Variants in DSE observed in about 807,000 individuals in gnomAD.
The protein encoded by DSE is dermatan-sulfate epimerase.
Under a neutral mutation model 84.4 loss-of-function variants are expected in DSE, and 36 were observed. The observed-to-expected ratio is 0.43, with a 90% CI of 0.33 to 0.56. The LOEUF is 0.56. Ranked by LOEUF, DSE falls within the 20% of genes least tolerant of loss-of-function variation. The pLI is 0.06. For synonymous variants in DSE, 410 were observed against 430.1 expected, an observed-to-expected ratio of 0.95 and a Z score of 0.58; for missense variants, 862 against 1,169.6, an observed-to-expected ratio of 0.74 and a Z score of 3.84.
At position 116,438,127 on chromosome 6, in the gene DSE, C is replaced by T. The variant is rs1481821163; in HGVS notation, c.*782C>T. 2 of 152,400 alleles carry T rather than the reference C, an allele frequency of 1.3e-5. No individual in the cohort carries two copies. Among genetic ancestry groups the T allele is most frequent in the African/African-American group, 4.8e-5 (2 of 41,384 alleles). 9.4% of individuals were successfully genotyped at this position (152,400 alleles called of 1,614,324 possible). A position where few individuals can be genotyped will look rare whatever the true frequency, so the allele number is the denominator to read the frequency against. The stretch of plus-strand genomic sequence containing the variant: ...AAAACCGTTATAGACCCAATAACAA[C>T]TAAACCTTTCAAAAGAAAATATTTT... On this transcript the variant is annotated 3_prime_UTR_variant, in exon 6 of 6. Coordinates refer to ENST00000644252, the MANE Select transcript of DSE (RefSeq NM_013352.4).
intron 2 of DSE, among the ~76,000 whole-genome samples, chr6:116,267,251 G>C (rs913675534): frequency 3.9e-5 from 6 of 152,162 alleles, no homozygotes; most frequent in African/African-American, 1.4e-4. Flanking sequence ...AGATCCTTCA[G>C]GTGGTATTCC....
At chr6:116,312,442 A>T (rs898912866) in intron 2 of DSE, among the ~76,000 whole-genome samples, 6 of 152,190 alleles carry the variant, frequency 3.9e-5, no homozygotes, top group Non-Finnish European at 7.3e-5. Context: ...GCCCTTGAAG[A>T]ACAGAAGGGA....
At chr6:116,410,510 G>C (rs1000722269) in intron 2 of DSE, among the ~76,000 whole-genome samples, 3 of 152,098 alleles carry the variant, frequency 2.0e-5, no homozygotes, top group Non-Finnish European at 4.4e-5. Flanking sequence ...GAGGCAGGCG[G>C]ATCACAAGGT....
At chr6:116,413,324 A>G (rs573563269) in intron 2 of DSE, among the ~76,000 whole-genome samples, 1 of 152,344 alleles carries the variant, frequency 6.6e-6, no homozygotes, top group Non-Finnish European at 1.5e-5. Flanking sequence ...GTATATTTAT[A>G]GTTTGAAAGC....
chr6:116,347,917 G>A (rs1936925549), intron 2 of DSE, among the ~76,000 whole-genome samples: 1 of 150,366 alleles, frequency 6.7e-6, no homozygotes, highest in Non-Finnish European at 1.5e-5. Flanking sequence ...CTAATATCCA[G>A]AATCTACAAA....
intron 2 of DSE, among the ~76,000 whole-genome samples, chr6:116,358,737 G>A (rs79013242): frequency 0.019 from 2,959 of 152,248 alleles, 89 homozygotes; most frequent in African/African-American, 0.068. Flanking sequence ...TCCTTCTCCT[G>A]CCAATATGAG....
intron 5 of DSE, among the ~76,000 whole-genome samples, 155 bp downstream of exon 5, chr6:116,433,705 T>A (rs1239655201): frequency 1.3e-5 from 2 of 152,226 alleles, no homozygotes; most frequent in Admixed American, 1.3e-4. Context: ...ATTCAACTCA[T>A]ATCACTGTTT....
intron 2 of DSE, among the ~76,000 whole-genome samples, chr6:116,404,398 T>A (rs1426767522): frequency 6.6e-6 from 1 of 152,240 alleles, no homozygotes; most frequent in Non-Finnish European, 1.5e-5. Flanking sequence ...CATAGAATTA[T>A]ACAGCATCCA....
intron 3 of DSE, among the ~76,000 whole-genome samples, chr6:116,429,081 T>C (rs1271830983): frequency 2.0e-5 from 3 of 152,226 alleles, no homozygotes; most frequent in Non-Finnish European, 4.4e-5. Context: ...GTCACATTGG[T>C]ATCTGGTGGG....
intron 2 of DSE, among the ~76,000 whole-genome samples, chr6:116,281,898 T>A (rs12661307): frequency 0.25 from 38,053 of 152,190 alleles, 5,719 homozygotes; most frequent in East Asian, 0.64. Context: ...ATAGTAACAG[T>A]TTCCTACTCA....
chr6:116,393,076 C>T (rs1781016785), intron 1 of DSE, among the ~76,000 whole-genome samples: 1 of 152,190 alleles, frequency 6.6e-6, no homozygotes, highest in African/African-American at 2.4e-5. Context: ...CAGCCAGGGA[C>T]TGTGTTTCCC....
intron 2 of DSE, chr6:116,279,382 G>C (rs769437614): frequency 6.2e-7 from 1 of 1,612,678 alleles, no homozygotes; most frequent in Non-Finnish European, 8.5e-7. Flanking sequence ...CTCCGCCTCA[G>C]CCTCCGCCCC....
chr6:116,381,551 G>A (rs763151438), intron 1 of DSE, among the ~76,000 whole-genome samples: 3 of 152,150 alleles, frequency 2.0e-5, no homozygotes, highest in Admixed American at 6.6e-5. Flanking sequence ...GGGACCTTGG[G>A]TAGCTTAATT....
intron 4 of DSE, chr6:116,433,099 T>C (rs1018241861): frequency 1.4e-5 from 7 of 506,734 alleles, no homozygotes; most frequent in African/African-American, 1.4e-4. Flanking sequence ...GTAGCACTAA[T>C]GTTACCAAGG....
At chr6:116,318,317 T>C (rs1003036070) in intron 2 of DSE, among the ~76,000 whole-genome samples, 14 of 151,730 alleles carry the variant, frequency 9.2e-5, no homozygotes, top group Non-Finnish European at 1.9e-4. Flanking sequence ...CCATCCTGGC[T>C]AACACAGTGA....
rs1163426313 is a variant in DSE at position 116,428,441 on chromosome 6, T to C, written c.670+1614T>C. The stretch of plus-strand genomic sequence containing the variant: ...GGAGTAGAGTTTATTTCTTCAGTCT[T>C]TGTAAATAACATTATTCCAAATAAT... On this transcript the variant is annotated intron_variant, in intron 3 of 5. Coordinates refer to ENST00000644252, the MANE Select transcript of DSE (RefSeq NM_013352.4). Among the ~76,000 whole-genome samples, 3 of 152,212 alleles carry C rather than the reference T, an allele frequency of 2.0e-5. No individual in the cohort carries two copies. The East Asian group carries it at 5.8e-4, about 29-fold the overall frequency.
At chr6:116,369,389 A>G (rs1368097539), upstream of DSE, among the ~76,000 whole-genome samples, 1 of 152,236 alleles carries the variant, frequency 6.6e-6, no homozygotes, top group East Asian at 1.9e-4. Flanking sequence ...ATTTATTCTA[A>G]TAATTGAATT....
At chr6:116,434,247 A>G (rs915593147) in intron 5 of DSE, among the ~76,000 whole-genome samples, 3 of 152,202 alleles carry the variant, frequency 2.0e-5, no homozygotes, top group Admixed American at 6.5e-5. Flanking sequence ...GTTAAAATCA[A>G]AATTACAGGG....
intron 2 of DSE, among the ~76,000 whole-genome samples, chr6:116,298,356 A>G (rs1477626735): frequency 1.3e-5 from 2 of 152,220 alleles, no homozygotes; most frequent in Non-Finnish European, 2.9e-5. Context: ...GTCCTAGATT[A>G]GTCAAGTGAG....
Sources: allele counts gnomAD v4.1 joint callset (sites outside exome capture counted in the v4.1 genomes callset), GRCh38; gene constraint gnomAD v4.1.1; transcripts MANE v1.5; gene names NCBI Gene and HGNC (gene_info 2026-07-23, HGNC 2026-07-21).